The following LINGO2 variants were observed in gnomAD, a reference collection of about 807,000 sequenced individuals.
LINGO2 encodes the protein leucine-rich repeat and immunoglobulin-like domain-containing nogo receptor-interacting protein 2.
In LINGO2, 14 loss-of-function variants were observed where a neutral mutation model predicts 30.6. The observed-to-expected ratio is 0.46, with a 90% CI of 0.30 to 0.72. The LOEUF is 0.72. Among genes scored for constraint, LINGO2 ranks in the 30% least tolerant of loss-of-function variants. LINGO2 has a pLI of 0.07. For synonymous variants in LINGO2, 317 were observed against 288.5 expected (o/e 1.10, Z -1.00); for missense variants, 729 against 751.7 (o/e 0.97, Z 0.35).
At chr9:28,755,897 C>T in the LINGO2 span, among the ~76,000 whole-genome samples, 1 of 152,056 alleles carries the variant, frequency 6.6e-6, no homozygotes, top group Non-Finnish European at 1.5e-5. Context: ...CAATCATCTT[C>T]TAAGTCAGTT....
At chr9:28,161,403 G>A (rs994881451) in intron 4 of LINGO2, among the ~76,000 whole-genome samples, 2 of 152,028 alleles carry the variant, frequency 1.3e-5, no homozygotes, top group African/African-American at 4.8e-5. Flanking sequence ...GCCTTTGAAA[G>A]TGCAAAAGAT....
intron 1 of LINGO2, among the ~76,000 whole-genome samples, chr9:28,557,648 T>G (rs1822800078): frequency 1.3e-5 from 2 of 151,682 alleles, no homozygotes; most frequent in African/African-American, 4.8e-5. Context: ...CATTACTGGG[T>G]ATATACCCAA....
chr9:28,020,349 T>C (rs532545948), intron 4 of LINGO2, among the ~76,000 whole-genome samples: 18 of 152,142 alleles, frequency 1.2e-4, no homozygotes, highest in African/African-American at 4.3e-4. Flanking sequence ...ACCAATACGG[T>C]GAAACCTCGA....
chr9:28,926,263 G>A, the LINGO2 span, among the ~76,000 whole-genome samples: 1 of 152,110 alleles, frequency 6.6e-6, no homozygotes, highest in Non-Finnish European at 1.5e-5. Context: ...GCAGTGAGCC[G>A]AGATCGTGCC....
chr9:28,952,410 G>T, the LINGO2 span, among the ~76,000 whole-genome samples: 16 of 152,176 alleles, frequency 1.1e-4, no homozygotes, highest in South Asian at 4.2e-4. Context: ...CAAAATGGCT[G>T]CAATAATTCC....
At chr9:29,190,400 T>A in the LINGO2 span, among the ~76,000 whole-genome samples, 1 of 152,194 alleles carries the variant, frequency 6.6e-6, no homozygotes, top group African/African-American at 2.4e-5. Flanking sequence ...CTACTTGATA[T>A]CCTGGCAATA....
chr9:28,027,479 C>CT (rs1248115857), intron 4 of LINGO2, among the ~76,000 whole-genome samples: 1 of 152,066 alleles, frequency 6.6e-6, no homozygotes, highest in East Asian at 1.9e-4. Context: ...TATTCAGCAC[C>CT]TTTTATTTGT....
chr9:28,763,106 C>CA, the LINGO2 span, among the ~76,000 whole-genome samples: 1 of 151,964 alleles, frequency 6.6e-6, no homozygotes, highest in African/African-American at 2.4e-5. Flanking sequence ...CCGGGTATTT[C>CA]AATGATATCC....
the LINGO2 span, among the ~76,000 whole-genome samples, chr9:28,786,958 C>T: frequency 1.3e-5 from 2 of 152,048 alleles, no homozygotes; most frequent in Admixed American, 6.5e-5. Context: ...ATAGGTCTGC[C>T]TAGGATTAAC....
At chr9:28,703,106 G>C in the LINGO2 span, among the ~76,000 whole-genome samples, 3 of 150,732 alleles carry the variant, frequency 2.0e-5, no homozygotes, top group African/African-American at 7.3e-5. Context: ...TTGATTTCCT[G>C]TTTTCAGTTT....
At chr9:28,973,158 A>G in the LINGO2 span, among the ~76,000 whole-genome samples, 1 of 152,192 alleles carries the variant, frequency 6.6e-6, no homozygotes, top group Non-Finnish European at 1.5e-5. Context: ...CAAAAGAAAT[A>G]TATCAGTATC....
chr9:28,667,496 C>T (rs1020402965), intron 1 of LINGO2, among the ~76,000 whole-genome samples: 1 of 152,132 alleles, frequency 6.6e-6, no homozygotes, highest in African/African-American at 2.4e-5. Context: ...GTAATCCCAG[C>T]ATTTTGGGAT....
chr9:28,252,737 C>G (rs986708044), intron 4 of LINGO2, among the ~76,000 whole-genome samples: 1 of 151,908 alleles, frequency 6.6e-6, no homozygotes, highest in African/African-American at 2.4e-5. Context: ...TTCTTCAACT[C>G]TTACTTTATA....
At chr9:28,038,497 T>C (rs1300080235) in intron 4 of LINGO2, among the ~76,000 whole-genome samples, 1 of 151,926 alleles carries the variant, frequency 6.6e-6, no homozygotes, top group East Asian at 1.9e-4. Context: ...ATCGAGACCA[T>C]CCCGGCTAAA....
chr9:28,460,910 A>C (rs1478031478), intron 2 of LINGO2, among the ~76,000 whole-genome samples: 6 of 152,150 alleles, frequency 3.9e-5, no homozygotes, highest in Non-Finnish European at 8.8e-5. Context: ...AATGTCTAGA[A>C]ACTGTTGTAT....
chr9:29,166,865 G>A, the LINGO2 span, among the ~76,000 whole-genome samples: 1 of 151,930 alleles, frequency 6.6e-6, no homozygotes, highest in African/African-American at 2.4e-5. Flanking sequence ...ATTACTGAAC[G>A]CTCTTTCTTA....
At chr9:29,026,403 C>G in the LINGO2 span, among the ~76,000 whole-genome samples, 1 of 151,976 alleles carries the variant, frequency 6.6e-6, no homozygotes, top group Non-Finnish European at 1.5e-5. Flanking sequence ...TATAAATGAT[C>G]CTTTGGTAAA....
At chr9:28,722,397 A>G in the LINGO2 span, among the ~76,000 whole-genome samples, 1 of 152,224 alleles carries the variant, frequency 6.6e-6, no homozygotes. Context: ...ATAATTATGG[A>G]AAAGTTCATT....
chr9:28,557,782 G>T (rs552347052), intron 1 of LINGO2, among the ~76,000 whole-genome samples: 1 of 151,712 alleles, frequency 6.6e-6, no homozygotes, highest in Non-Finnish European at 1.5e-5. Context: ...TTAAGAAAAT[G>T]TGGCACATAT....
Sources: allele counts gnomAD v4.1 joint callset (sites outside exome capture counted in the v4.1 genomes callset), GRCh38; gene constraint gnomAD v4.1.1; transcripts MANE v1.5; gene names NCBI Gene and HGNC (gene_info 2026-07-23, HGNC 2026-07-21).